ZFP69B: variants seen among roughly 807,000 people sequenced by gnomAD.
The protein encoded by ZFP69B is ZFP69 zinc finger protein B, also known as zinc finger protein 69 homolog B.
Under a neutral mutation model 19.7 loss-of-function variants are expected in ZFP69B, and 20 were observed. The observed-to-expected ratio is 1.02, with a 90% CI of 0.71 to 1.48. The LOEUF (loss-of-function observed/expected upper bound fraction) is 1.48, where lower values mean the gene tolerates loss of function less well. ZFP69B is among the 40% of genes most tolerant of loss of function. The pLI is 0.00. For missense variants in ZFP69B, 583 were observed against 632.6 expected (o/e 0.92, Z 0.84); for synonymous variants, 220 against 222.7 (o/e 0.99, Z 0.11).
intron 1 of ZFP69B, among the ~76,000 whole-genome samples, chr1:40,453,764 C>T (rs559221279): frequency 3.9e-4 from 60 of 152,056 alleles, no homozygotes; most frequent in Non-Finnish European, 7.5e-4. Flanking sequence ...CCCAGCTACT[C>T]GGGAGGCTGA....
In ZFP69B at chr1:40,462,963, A is replaced by G; in HGVS notation, c.979A>G (p.Arg327Gly). 1.2e-6 allele frequency: 2 copies of G among 1,614,182 alleles called. No homozygotes were observed. The highest frequency in any genetic ancestry group is 1.7e-6 in the Non-Finnish European group (2 of 1,180,032). The change falls in exon 5 of 5, where the codon AGA becomes GGA. Residue 327 changes from arginine (R) to glycine (G), a missense_variant. Arg to Gly is a moderately radical substitution (Grantham distance 125). Coordinates refer to ENST00000361584, the MANE Select transcript of ZFP69B (RefSeq NM_023070.3). ...SQSSSLIPHQRIHTGEKPYEC... is the reference protein window; with the variant it reads ...SQSSSLIPHQGIHTGEKPYEC... ...AAGTTCATCTCTTATTCCGCATCAGAGAATTCATACTGGTGAGAAACCCTA... is the reference window on the plus strand; with the variant it reads ...AAGTTCATCTCTTATTCCGCATCAGGGAATTCATACTGGTGAGAAACCCTA...
chr1:40,450,089 A>C (rs1053207048), upstream of ZFP69B: 6 of 152,360 alleles, frequency 3.9e-5, no homozygotes, highest in Admixed American at 2.6e-4. Flanking sequence ...TGCCCGCCGC[A>C]GCGCTACGTG....
chr1:40,453,456 T>C (rs540839559), intron 1 of ZFP69B, among the ~76,000 whole-genome samples: 2 of 152,274 alleles, frequency 1.3e-5, no homozygotes, highest in African/African-American at 4.8e-5. Context: ...AGAATAGATA[T>C]AAAAACCAAG....
At chr1:40,458,952 G>A (rs753984450) in intron 4 of ZFP69B, among the ~76,000 whole-genome samples, 1 of 152,190 alleles carries the variant, frequency 6.6e-6, no homozygotes, top group Non-Finnish European at 1.5e-5. Flanking sequence ...AATAAGTGAG[G>A]AGTTAGGATA....
chr1:40,450,976 C>T lies in ZFP69B; in HGVS notation c.15C>T (p.Leu5=), dbSNP rs760010851. Residue 5 remains leucine (L), a synonymous_variant, in exon 1 of 5, where the codon CTC becomes CTT. Transcript: ENST00000361584. MLQQ[L]LITLPTEAST... ...CGGACGCCGTCATGCTGCAGCAGCT[C>T]CTGATCACCCTGCCCACCGAGGCCA... The T allele has an allele frequency of 6.5e-6, 10 of 1,549,400 alleles. No individual in the cohort carries two copies. The East Asian group carries it at 1.7e-4, about 27-fold the overall frequency.
intron 1 of ZFP69B, 58 bp downstream of exon 1, chr1:40,451,146 G>A (rs1284136139): frequency 4.0e-5 from 57 of 1,435,046 alleles, no homozygotes; most frequent in Non-Finnish European, 2.5e-5. Context: ...GTGTGAGAAG[G>A]AATGAGTCAC....
chr1:40,456,042 T>A (rs1415402716), intron 2 of ZFP69B, among the ~76,000 whole-genome samples: 1 of 152,240 alleles, frequency 6.6e-6, no homozygotes, highest in Non-Finnish European at 1.5e-5. Flanking sequence ...GTCTTTGCTA[T>A]TGTGAACAGT....
intron 4 of ZFP69B, among the ~76,000 whole-genome samples, chr1:40,457,834 C>T (rs1227614923): frequency 1.3e-5 from 2 of 152,094 alleles, no homozygotes; most frequent in African/African-American, 4.8e-5. Flanking sequence ...CACTGTCTCT[C>T]AATGATTTCA....
chr1:40,456,802 A>G (rs1388737256), intron 2 of ZFP69B, 143 bp from the exon 3 acceptor site: 11 of 1,133,306 alleles, frequency 9.7e-6, no homozygotes, highest in Non-Finnish European at 1.2e-5. Flanking sequence ...CCTCCATTTT[A>G]TGTAATCTAT....
At position 40,450,950 on chromosome 1, in the gene ZFP69B, G is replaced by T; in HGVS notation, c.-12G>T. ...AGACAGAGGGTCCTCAGAAAGGAGT[G>T]CGGACGCCGTCATGCTGCAGCAGCT... On this transcript the variant is annotated 5_prime_UTR_variant, in exon 1 of 5. Coordinates refer to ENST00000361584, the MANE Select transcript of ZFP69B (RefSeq NM_023070.3). 1 of 1,543,490 alleles carries T rather than the reference G, an allele frequency of 6.5e-7. No individual in the cohort carries two copies. Among genetic ancestry groups the T allele is most frequent in the East Asian group, 2.5e-5 (1 of 40,492 alleles).
Position 40,456,985 on chromosome 1 carries a change from A to G in ZFP69B, c.254A>G (p.Gln85Arg). 2 of 1,614,022 alleles carry G rather than the reference A, an allele frequency of 1.2e-6. No homozygotes were observed. Among genetic ancestry groups the G allele is most frequent in the Non-Finnish European group, 1.7e-6 (2 of 1,179,888 alleles). ...AAGGACGTATCTGTGGACTTCACTC[A>G]GGAGGAGTGGGGGCAGCTGGCCCCT... ...TFKDVSVDFT[Q>R]EEWGQLAPAH... The change falls in exon 3 of 5, where the codon CAG becomes CGG. Residue 85 changes from glutamine to arginine, a missense_variant. Physicochemically the swap from Gln to Arg is conservative, Grantham distance 43. Transcript: ENST00000361584.
Position 40,462,908 on chromosome 1 carries a change from A to G in ZFP69B, c.924A>G (p.Arg308=), listed in dbSNP as rs947927350. 1.2e-6 allele frequency: 2 copies of G among 1,614,092 alleles called. No individual in the cohort carries two copies. Among genetic ancestry groups the G allele is most frequent in the Non-Finnish European group, 1.7e-6 (2 of 1,180,050 alleles). The change falls in exon 5 of 5, where the codon AGA becomes AGG. Residue 308 remains arginine (R), a synonymous_variant. Coordinates refer to ENST00000361584, the MANE Select transcript of ZFP69B (RefSeq NM_023070.3). ...MRIHTGEKPF[R]CKECGKAFSQ... is the part of the protein sequence containing the mutation. The stretch of plus-strand genomic sequence containing the variant: ...TTCATACCGGGGAGAAACCTTTCAG[A>G]TGTAAGGAATGTGGAAAAGCCTTTA...
At position 40,463,550 on chromosome 1, in the gene ZFP69B, C is replaced by CA; in HGVS notation, c.1570dup (p.Thr524AsnfsTer33). The CA allele has an allele frequency of 6.2e-7, 1 of 1,612,142 alleles. No homozygotes were observed. Among genetic ancestry groups the CA allele is most frequent in the South Asian group, 1.1e-5 (1 of 90,796 alleles). On this transcript the variant is annotated frameshift_variant, in exon 5 of 5. Transcript: ENST00000361584. LOFTEE classifies it low-confidence loss of function (END_TRUNC). ...GTAGTTCATCCCTTATTAGACACTG[C>CA]AAAACACATTTAAGAAATACCTTCA...
At chr1:40,462,356 C>CA (rs1645293086) in intron 4 of ZFP69B, 65 bp from the exon 5 acceptor site, 2 of 1,448,234 alleles carry the variant, frequency 1.4e-6, no homozygotes, top group Non-Finnish European at 1.9e-6. Context: ...CTTCCATTCT[C>CA]ACCGTGGCAA....
At chr1:40,457,203 G>A in intron 3 of ZFP69B, 132 bp downstream of exon 3, 1 of 1,501,938 alleles carries the variant, frequency 6.7e-7, no homozygotes, top group Middle Eastern at 1.7e-4. Context: ...ACCCAGTCAG[G>A]ATTGCTATGC....
rs367759748 is a variant in ZFP69B at position 40,463,030 on chromosome 1, C to T, written c.1046C>T (p.Ser349Leu). 2.8e-5 allele frequency: 45 copies of T among 1,613,868 alleles called. No individual in the cohort carries two copies. In the Admixed American group the frequency reaches 5.8e-4, roughly 21 times the overall value. The change falls in exon 5 of 5, where the codon TCG (serine) becomes TTG (leucine). Residue 349 changes from serine to leucine, a missense_variant. Transcript: ENST00000361584. The part of the protein sequence containing the change: ...ECGKTFRHPS[S>L]LTQHVRIHTG... Reference sequence around the variant, plus strand: ...GGGAAAACCTTCAGACATCCTTCATCGCTTACTCAACATGTTAGAATTCAT... The same window carrying T: ...GGGAAAACCTTCAGACATCCTTCATTGCTTACTCAACATGTTAGAATTCAT...
At chr1:40,453,263 G>A (rs537744275) in intron 1 of ZFP69B, among the ~76,000 whole-genome samples, 19 of 152,198 alleles carry the variant, frequency 1.2e-4, no homozygotes, top group African/African-American at 4.6e-4. Flanking sequence ...CTGGCCTGTA[G>A]TGCATATTTT....
intron 4 of ZFP69B, among the ~76,000 whole-genome samples, chr1:40,460,474 T>C (rs1055823780): frequency 1.3e-5 from 2 of 152,022 alleles, no homozygotes; most frequent in African/African-American, 4.8e-5. Flanking sequence ...CTCTAAAATA[T>C]AATAATAATT....
intron 4 of ZFP69B, 106 bp downstream of exon 4, chr1:40,457,545 A>G: frequency 1.2e-6 from 1 of 841,076 alleles, no homozygotes; most frequent in Non-Finnish European, 1.9e-6. Flanking sequence ...GGTACATTCA[A>G]GAAAGTTGAT....
Sources: allele counts gnomAD v4.1 joint callset (sites outside exome capture counted in the v4.1 genomes callset), GRCh38; gene constraint gnomAD v4.1.1; transcripts MANE v1.5; gene names NCBI Gene and HGNC (gene_info 2026-07-23, HGNC 2026-07-21).